Variants in MGAT4B observed in about 807,000 individuals in gnomAD.
The protein encoded by MGAT4B is N-acetylglucosaminyltransferase IVb.
A neutral mutation model predicts 73.9 loss-of-function variants in MGAT4B; 38 were observed. The ratio of observed to expected loss-of-function variants is 0.51; its 90% CI spans 0.40 to 0.67. MGAT4B has a LOEUF of 0.67. MGAT4B is among the 30% of genes least tolerant of loss of function. The probability of loss-of-function intolerance (pLI) is 0.00; values close to 1 mark genes in which losing one functional copy is unlikely to be tolerated. For missense variants in MGAT4B, 686 were observed against 735.2 expected, an observed-to-expected ratio of 0.93 and a Z score of 0.77; for synonymous variants, 373 against 313.5, an observed-to-expected ratio of 1.19 and a Z score of -2.01.
Position 179,798,910 on chromosome 5 carries a change from C to G in MGAT4B, c.1343+18G>C. The G allele has an allele frequency of 1.2e-6, 2 of 1,613,246 alleles. No homozygotes were observed. The highest frequency in any genetic ancestry group is 1.7e-6 in the Non-Finnish European group (2 of 1,179,938). On this transcript the variant is annotated intron_variant, in intron 11 of 14. Coordinates refer to ENST00000292591, the MANE Select transcript of MGAT4B (RefSeq NM_014275.5). ...CCCAGCCCCGCCCCCATCGCAGACC[C>G]ATGGTGCTGGCACTGACCGCTCCAG...
At position 179,806,463 on chromosome 5, in the gene MGAT4B, G is replaced by A; in HGVS notation, c.97+24C>T. 1.6e-6 allele frequency: 2 copies of A among 1,245,148 alleles called. No individual in the cohort carries two copies. The highest frequency in any genetic ancestry group is 1.9e-5 in the South Asian group (1 of 53,206). 77.1% of individuals were successfully genotyped at this position (1,245,148 alleles called of 1,614,324 possible). Reference sequence around the variant, plus strand: ...GCCGACGCCCAGGTGCGCCAGGTGCGGGCCGGGCGGGGGTCGCGCTCACCT... The same window carrying A: ...GCCGACGCCCAGGTGCGCCAGGTGCAGGCCGGGCGGGGGTCGCGCTCACCT... On this transcript the variant is annotated intron_variant, in intron 1 of 14. Coordinates refer to ENST00000292591, the MANE Select transcript of MGAT4B (RefSeq NM_014275.5). This position sits in a 1 kb window ranked among gnomAD's most constrained non-coding sequence, Gnocchi z 4.6.
chr5:179,799,765 G>T, intron 8 of MGAT4B, 129 bp from the exon 9 acceptor site: 2 of 1,417,668 alleles, frequency 1.4e-6, no homozygotes, highest in Non-Finnish European at 2.0e-6. Flanking sequence ...GGGCAGGGAG[G>T]CAGACAGGTG....
chr5:179,799,340 C>T (rs746637307), intron 9 of MGAT4B, 30 bp from the exon 10 acceptor site: 76 of 1,608,438 alleles, frequency 4.7e-5, no homozygotes, highest in African/African-American at 6.7e-5. Context: ...CCCCAGGGCT[C>T]GGCTTAGCCC....
In MGAT4B at chr5:179,799,541, G is replaced by C; in HGVS notation, c.1006C>G (p.Leu336Val). 6.2e-7 allele frequency: 1 copy of C among 1,613,992 alleles called. No homozygotes were observed. The highest frequency in any genetic ancestry group is 8.5e-7 in the Non-Finnish European group (1 of 1,180,030). Residue 336 changes from leucine to valine, a missense_variant, in exon 9 of 15, where the codon CTG becomes GTG. Physicochemically the swap from Leu to Val is conservative, Grantham distance 32. Coordinates refer to ENST00000292591, the MANE Select transcript of MGAT4B (RefSeq NM_014275.5). ...TCGGGGTTGCAGACTTTCACCCACAGAATATGGTCCAGGAGCCAGTCGATG... is the reference window on the plus strand; with the variant it reads ...TCGGGGTTGCAGACTTTCACCCACACAATATGGTCCAGGAGCCAGTCGATG... ...KPIDWLLDHI[L>V]WVKVCNPEKD...
At chr5:179,802,073 C>T (rs1271167246) in intron 1 of MGAT4B, 104 bp from the exon 2 acceptor site, 1 of 1,592,174 alleles carries the variant, frequency 6.3e-7, no homozygotes, top group Admixed American at 1.7e-5. Flanking sequence ...TCTGCAATAG[C>T]TCATTGACAT....
At chr5:179,803,922 GGCCAGGCCCTAT>G (rs1276008516) in intron 1 of MGAT4B, 4 of 152,424 alleles carry the variant, frequency 2.6e-5, no homozygotes, top group African/African-American at 7.2e-5. Context: ...CCTCCCCATG[GGCCAGGCCCTAT>G]GCCAGGGCTC....
At position 179,801,485 on chromosome 5, in the gene MGAT4B, C is replaced by A; in HGVS notation, c.425-18G>T. ...CACCGACACTATGGGGGACGGAGGC[C>A]CGACGCTGGAAAGGGTGCGGGGGCC... is the stretch of plus-strand genomic sequence containing the variant. On this transcript the variant is annotated intron_variant, in intron 3 of 14. Transcript: ENST00000292591. This position sits in a 1 kb window ranked among gnomAD's most constrained non-coding sequence, Gnocchi z 4.8. 1 of 1,603,144 alleles carries A rather than the reference C, an allele frequency of 6.2e-7. No homozygotes were observed. Among genetic ancestry groups the A allele is most frequent in the Non-Finnish European group, 8.5e-7 (1 of 1,172,620 alleles).
In MGAT4B at chr5:179,799,941, G is replaced by C. The variant is rs376967038; in HGVS notation, c.910+13C>G. The C allele has an allele frequency of 1.3e-4, 215 of 1,601,154 alleles. No homozygotes were observed. Among genetic ancestry groups the C allele is most frequent in the Non-Finnish European group, 1.8e-4 (209 of 1,168,722 alleles). On this transcript the variant is annotated intron_variant, in intron 8 of 14. Coordinates refer to ENST00000292591, the MANE Select transcript of MGAT4B (RefSeq NM_014275.5). ...GGACTGAAAGGCACCGTCAGGTAAG[G>C]GGAGGGGCACACCAATGAAGCCCAG...
In MGAT4B at chr5:179,797,863, CG is replaced by C. The variant is rs1298916113; in HGVS notation, c.*181del. 28 of 817,582 alleles carry C rather than the reference CG, an allele frequency of 3.4e-5. No homozygotes were observed. The Middle Eastern group carries it at 1.5e-3, about 43-fold the overall frequency. 50.6% of individuals were successfully genotyped at this position (817,582 alleles called of 1,614,324 possible). A position where few individuals can be genotyped will look rare whatever the true frequency, so the allele number is the denominator to read the frequency against. On this transcript the variant is annotated 3_prime_UTR_variant, in exon 15 of 15. Transcript: ENST00000292591. ...CCTGCCTCCTCCGCGGCCCGGCGGG[CG>C]GGGGCAGCACCAGCTCCTAGGGCCT...
Position 179,799,200 on chromosome 5 carries a change from C to T in MGAT4B, c.1149+3G>A. On this transcript the variant is annotated splice_donor_region_variant and intron_variant, in intron 10 of 14. Transcript: ENST00000292591. ...CCTAGGGAGAGCGTGCAGTGCAGCCCACCTTCAGTTTCTGGATCTTGCCAG... is the reference window on the plus strand; with the variant it reads ...CCTAGGGAGAGCGTGCAGTGCAGCCTACCTTCAGTTTCTGGATCTTGCCAG... 6.2e-7 allele frequency: 1 copy of T among 1,613,976 alleles called. No homozygotes were observed. Among genetic ancestry groups the T allele is most frequent in the African/African-American group, 1.3e-5 (1 of 75,064 alleles).
chr5:179,801,274 A>C lies in MGAT4B; in HGVS notation c.558+60T>G. 9.1e-6 allele frequency: 14 copies of C among 1,543,516 alleles called. No homozygotes were observed. Among genetic ancestry groups the C allele is most frequent in the Non-Finnish European group, 1.2e-5 (14 of 1,142,236 alleles). ...TCTCCTCGGAATGGTTCCTGCTGTC[A>C]GTTCTGCACCGCGGGGGCTCCTCTG... On this transcript the variant is annotated intron_variant, in intron 4 of 14. Coordinates refer to ENST00000292591, the MANE Select transcript of MGAT4B (RefSeq NM_014275.5). This position sits in a 1 kb window ranked among gnomAD's most constrained non-coding sequence, Gnocchi z 4.8.
chr5:179,804,382 C>T (rs1022812346), intron 1 of MGAT4B, among the ~76,000 whole-genome samples: 15 of 152,192 alleles, frequency 9.9e-5, no homozygotes, highest in African/African-American at 3.6e-4. Context: ...CCTGGGGAGG[C>T]GGACAGCCTG....
In MGAT4B at chr5:179,801,522, C is replaced by A. The variant is rs79356327; in HGVS notation, c.424+32G>T. ...AGGGTGCGGGGGCCACCCGTCCCCC[C>A]ACCCCGTGCTCCTCCCTGTCTGCGC... On this transcript the variant is annotated intron_variant, in intron 3 of 14. Transcript: ENST00000292591. This position sits in a 1 kb window ranked among gnomAD's most constrained non-coding sequence, Gnocchi z 4.8. 4,992 of 1,603,124 alleles carry A rather than the reference C, an allele frequency of 3.1e-3. 115 individuals carry two copies. The African/African-American group carries it at 0.056, about 18-fold the overall frequency.
At chr5:179,800,625 T>C (rs1756875624) in intron 5 of MGAT4B, 28 bp from the exon 6 acceptor site, 5 of 1,498,792 alleles carry the variant, frequency 3.3e-6, no homozygotes, top group African/African-American at 2.8e-5. Flanking sequence ...CTAGTCCGTA[T>C]GCAGCCTCCA....
chr5:179,801,655 T>G lies in MGAT4B; in HGVS notation c.323A>C (p.His108Pro), dbSNP rs757276443. 2 of 1,606,702 alleles carry G rather than the reference T, an allele frequency of 1.2e-6. No individual in the cohort carries two copies. The highest frequency in any genetic ancestry group is 2.7e-5 in the African/African-American group (2 of 75,004). ...RLKPWNGSHRHVLHLPTVFHH... is the reference protein window; with the variant it reads ...RLKPWNGSHRPVLHLPTVFHH... ...GAAGACGGTGGGCAGGTGCAGCACG[T>G]GCCGGTGTGAGCCGTTCCACGGCTT... The change falls in exon 3 of 15, where the codon CAC (histidine) becomes CCC (proline). Residue 108 changes from histidine to proline, a missense_variant. His to Pro is a moderately conservative substitution (Grantham distance 77, BLOSUM62 -2). This residue lies in a region of MGAT4B where 237 missense variants were observed against 198.5 expected (regional missense o/e 1.19). Transcript: ENST00000292591. This position sits in a 1 kb window ranked among gnomAD's most constrained non-coding sequence, Gnocchi z 4.8.
In MGAT4B at chr5:179,797,640, C is replaced by T. The variant is rs1455630740; in HGVS notation, c.*405G>A. 3 of 176,740 alleles carry T rather than the reference C, an allele frequency of 1.7e-5. No homozygotes were observed. Among genetic ancestry groups the T allele is most frequent in the African/African-American group, 2.4e-5 (1 of 41,780 alleles). The allele number at this position is 176,740 out of a possible 1,614,324, so 10.9% of individuals were successfully genotyped here. A position where few individuals can be genotyped will look rare whatever the true frequency, so the allele number is the denominator to read the frequency against. ...TTAACCCTTTATTACAAGTCACGCT[C>T]TTATAGAAGTATATGTGGACTTACG... On this transcript the variant is annotated 3_prime_UTR_variant, in exon 15 of 15. Coordinates refer to ENST00000292591, the MANE Select transcript of MGAT4B (RefSeq NM_014275.5).
chr5:179,798,866 G>A (rs1327708066), intron 11 of MGAT4B, 62 bp downstream of exon 11: 3 of 1,579,492 alleles, frequency 1.9e-6, no homozygotes, highest in East Asian at 2.2e-5. Flanking sequence ...TGCCGGTGAA[G>A]CCTACACCCT....
At chr5:179,800,862 A>G (rs751349643) in intron 5 of MGAT4B, 45 bp downstream of exon 5, 1 of 1,600,996 alleles carries the variant, frequency 6.2e-7, no homozygotes, top group Non-Finnish European at 8.5e-7. Context: ...AACACCCCGC[A>G]CCGAGCTCTC....
At chr5:179,802,355 C>T in intron 1 of MGAT4B, 1 of 1,308,534 alleles carries the variant, frequency 7.6e-7, no homozygotes, top group Non-Finnish European at 9.7e-7. Context: ...GCAGCACACG[C>T]TCCCTCCAGC....
Sources: gnomAD v4.1 joint callset for allele counts (sites outside exome capture counted in the v4.1 genomes callset) on GRCh38, gnomAD v4.1.1 for gene constraint, gnomAD v4.1.1 regional missense constraint, Gnocchi (gnomAD v3.1) non-coding constraint, MANE v1.5 for transcripts, NCBI Gene and HGNC (gene_info 2026-07-23, HGNC 2026-07-21) for gene names.